Variants in ZFHX3 observed in about 807,000 individuals in gnomAD.
The protein encoded by ZFHX3 is zinc finger homeobox protein 3.
Under a neutral mutation model 279.1 loss-of-function variants are expected in ZFHX3, and 42 were observed. The ratio of observed to expected loss-of-function variants is 0.15; its 90% CI spans 0.12 to 0.19. The LOEUF (loss-of-function observed/expected upper bound fraction) is 0.19, where lower values mean the gene tolerates loss of function less well. Among genes scored for constraint, ZFHX3 ranks in the 10% least tolerant of loss-of-function variants. The pLI is 1.00. For synonymous variants in ZFHX3, 2,293 were observed against 1,957.8 expected (o/e 1.17, Z -4.52); for missense variants, 4,981 against 4,754.0 (o/e 1.05, Z -1.40).
chr16:73,237,037 A>T (rs2012971281), intron 5 of ZFHX3, among the ~76,000 whole-genome samples: 1 of 152,178 alleles, frequency 6.6e-6, no homozygotes, highest in Non-Finnish European at 1.5e-5. Context: ...TTTAATTCTC[A>T]CTACAACCAG....
chr16:73,093,478 C>A, exon 8 of ZFHX3: 1 of 501,260 alleles, frequency 2.0e-6, no homozygotes, highest in Non-Finnish European at 4.0e-6. Context: ...CTCAGAGCTT[C>A]CAGGTCCTGT....
chr16:73,728,019 C>CCCCCA (rs1555535424), intron 1 of ZFHX3, among the ~76,000 whole-genome samples: 3 of 95,902 alleles, frequency 3.1e-5, no homozygotes, highest in Admixed American at 1.4e-4. Flanking sequence ...AATTGTGCCC[C>CCCCCA]CCCCCCGCCC....
At chr16:72,854,881 A>C (rs2037712964) in intron 4 of ZFHX3, among the ~76,000 whole-genome samples, 1 of 146,082 alleles carries the variant, frequency 6.8e-6, no homozygotes, top group African/African-American at 2.5e-5. Context: ...TAGTGTCAAA[A>C]TGGAAAGAAA....
intron 1 of ZFHX3, among the ~76,000 whole-genome samples, chr16:73,806,397 G>C (rs1200559775): frequency 1.3e-5 from 2 of 152,244 alleles, no homozygotes; most frequent in Admixed American, 6.5e-5. Context: ...GAGAACAAGA[G>C]ATCAGAGATG....
intron 2 of ZFHX3, among the ~76,000 whole-genome samples, chr16:73,654,168 A>G (rs1316633799): frequency 6.7e-6 from 1 of 148,318 alleles, no homozygotes; most frequent in African/African-American, 2.5e-5. Context: ...TGGGTGACAG[A>G]GCGAGACTCA....
intron 4 of ZFHX3, among the ~76,000 whole-genome samples, chr16:73,261,684 T>TTTTTG: frequency 6.8e-6 from 1 of 146,584 alleles, no homozygotes; most frequent in Admixed American, 6.8e-5. Flanking sequence ...TTTTTTTTTT[T>TTTTTG]TTTTTTTTAG....
chr16:72,787,155 C>T lies in ZFHX3; in HGVS notation c.*9G>A, dbSNP rs746228136. ...AAATTCATTTGTTTGTATTGTTCAT[C>T]TTCAAAGCTTACAATCTGAAGGTGT... On this transcript the variant is annotated 3_prime_UTR_variant, in exon 10 of 10. Transcript: ENST00000268489. 1 of 1,470,870 alleles carries T rather than the reference C, an allele frequency of 6.8e-7. No individual in the cohort carries two copies. Among genetic ancestry groups the T allele is most frequent in the Non-Finnish European group, 9.1e-7 (1 of 1,103,646 alleles). The allele number at this position is 1,470,870 out of a possible 1,614,324, so 91.1% of individuals were successfully genotyped here. A position where few individuals can be genotyped will look rare whatever the true frequency, so the allele number is the denominator to read the frequency against.
chr16:72,833,358 C>G (rs542220545), intron 4 of ZFHX3, among the ~76,000 whole-genome samples: 3 of 152,200 alleles, frequency 2.0e-5, no homozygotes, highest in Admixed American at 6.5e-5. Flanking sequence ...GCATTCCCCC[C>G]TCTTCTGCGA....
At chr16:73,626,944 G>C (rs1353277420) in intron 2 of ZFHX3, among the ~76,000 whole-genome samples, 1 of 152,180 alleles carries the variant, frequency 6.6e-6, no homozygotes, top group African/African-American at 2.4e-5. Context: ...CTGGGATAAA[G>C]AGGGACTTAT....
intron 3 of ZFHX3, among the ~76,000 whole-genome samples, chr16:73,338,139 A>G (rs62057274): frequency 0.1 from 15,849 of 152,214 alleles, 1,058 homozygotes; most frequent in Middle Eastern, 0.2. Flanking sequence ...CGTGCTGAAG[A>G]AAACCGCACA....
intron 1 of ZFHX3, among the ~76,000 whole-genome samples, chr16:73,681,803 T>C (rs1481477649): frequency 6.6e-5 from 10 of 152,212 alleles, no homozygotes; most frequent in Admixed American, 1.3e-4. Flanking sequence ...ACTATAACAA[T>C]GGAAGGGTAG....
rs542156633 is a variant in ZFHX3, at chr16:72,849,860, C to CAAA, written c.3449-20004_3449-20002dup. The stretch of plus-strand genomic sequence containing the variant: ...TCTCTGCCACTTGGAGTTCACCTAC[C>CAAA]AAAAAAAAAAAAAAAAAAAAAAAAA... On this transcript the variant is annotated intron_variant, in intron 4 of 9. Coordinates refer to ENST00000268489, the MANE Select transcript of ZFHX3 (RefSeq NM_006885.4). Among the ~76,000 whole-genome samples, 11 of 56,552 alleles carry CAAA rather than the reference C, an allele frequency of 1.9e-4. 2 individuals carry two copies. The highest frequency in any genetic ancestry group is 2.4e-4 in the African/African-American group (3 of 12,556). 37.1% of individuals were successfully genotyped at this position (56,552 alleles called of 152,430 possible). A position where few individuals can be genotyped will look rare whatever the true frequency, so the allele number is the denominator to read the frequency against.
At chr16:73,647,745 CAAA>C (rs1457943817) in intron 2 of ZFHX3, among the ~76,000 whole-genome samples, 1 of 150,676 alleles carries the variant, frequency 6.6e-6, no homozygotes, top group East Asian at 1.9e-4. Context: ...GAAAAAAAAA[CAAA>C]AAAGAAGGAA....
intron 2 of ZFHX3, among the ~76,000 whole-genome samples, chr16:73,589,688 C>T (rs1048767805): frequency 3.1e-5 from 4 of 131,042 alleles, no homozygotes; most frequent in African/African-American, 1.2e-4. Context: ...CAAGATCGCA[C>T]CACTGCACTC....
intron 4 of ZFHX3, among the ~76,000 whole-genome samples, chr16:73,277,260 T>A (rs1193945774): frequency 6.6e-6 from 1 of 152,170 alleles, no homozygotes; most frequent in African/African-American, 2.4e-5. Context: ...TTGTTTTCTA[T>A]CGAATGAAAA....
chr16:73,860,988 T>C (rs1414048665), intron 1 of ZFHX3, among the ~76,000 whole-genome samples: 2 of 151,592 alleles, frequency 1.3e-5, no homozygotes, highest in Non-Finnish European at 2.9e-5. Flanking sequence ...TTGCAGATTT[T>C]TTTTTTTTTT....
chr16:73,706,456 CAAAA>C (rs59244758), intron 1 of ZFHX3, among the ~76,000 whole-genome samples: 18 of 129,714 alleles, frequency 1.4e-4, no homozygotes, highest in African/African-American at 8.4e-5. Context: ...AACTCTATCT[CAAAA>C]AAAAAAAAAA....
chr16:73,245,188 A>G (rs763435595), intron 5 of ZFHX3, among the ~76,000 whole-genome samples: 6 of 152,208 alleles, frequency 3.9e-5, no homozygotes, highest in Non-Finnish European at 7.3e-5. Context: ...TGATTTACTC[A>G]TCTGTCTCCT....
At chr16:72,911,498 C>A (rs1016622858) in intron 3 of ZFHX3, among the ~76,000 whole-genome samples, 3 of 152,008 alleles carry the variant, frequency 2.0e-5, no homozygotes, top group Non-Finnish European at 2.9e-5. Flanking sequence ...AATGCAGTGG[C>A]GAAATCAGTT....
Sources: allele counts gnomAD v4.1 joint callset (sites outside exome capture counted in the v4.1 genomes callset), GRCh38; gene constraint gnomAD v4.1.1; transcripts MANE v1.5; gene names NCBI Gene and HGNC (gene_info 2026-07-23, HGNC 2026-07-21).